The following MYOCD variants were observed in gnomAD, a reference collection of about 807,000 sequenced individuals.
MYOCD encodes myocardin.
A neutral mutation model predicts 96.1 loss-of-function variants in MYOCD; 32 were observed. The observed-to-expected ratio is 0.33, with a 90% CI of 0.25 to 0.45. MYOCD has a LOEUF of 0.45. Among genes scored for constraint, MYOCD ranks in the 20% least tolerant of loss-of-function variants. The pLI, the probability that MYOCD is intolerant of heterozygous loss-of-function variation, is 1.00. For synonymous variants in MYOCD, 469 were observed against 469.0 expected (o/e 1.00, Z 0.00); for missense variants, 1,133 against 1,200.6 (o/e 0.94, Z 0.83).
intron 10 of MYOCD, among the ~76,000 whole-genome samples, chr17:12,753,893 A>G (rs1597810499): frequency 6.6e-6 from 1 of 152,356 alleles, no homozygotes; most frequent in Non-Finnish European, 1.5e-5. Flanking sequence ...CTGAGCACCT[A>G]CTATGTGCCA....
At chr17:12,744,755 T>C (rs1345290035) in intron 8 of MYOCD, among the ~76,000 whole-genome samples, 1 of 152,226 alleles carries the variant, frequency 6.6e-6, no homozygotes, top group African/African-American at 2.4e-5. Context: ...AAGGTTTCAC[T>C]TATAAATTAG....
chr17:12,758,023 C>T lies in MYOCD; in HGVS notation c.2203-62C>T, dbSNP rs1003226921. ...AAAATTTAGCCTGTTGTTTCTAGAA[C>T]AGAAACAACATAATTTCAGATCCAT... On this transcript the variant is annotated intron_variant, in intron 11 of 13. Transcript: ENST00000425538. 9.1e-6 allele frequency: 12 copies of T among 1,317,792 alleles called. No individual in the cohort carries two copies. In the East Asian group the frequency reaches 2.8e-4, roughly 30 times the overall value. The allele number at this position is 1,317,792 out of a possible 1,614,324, so 81.6% of individuals were successfully genotyped here.
At chr17:12,750,612 C>G (rs2032823467) in intron 9 of MYOCD, among the ~76,000 whole-genome samples, 1 of 152,042 alleles carries the variant, frequency 6.6e-6, no homozygotes, top group Non-Finnish European at 1.5e-5. Flanking sequence ...TTGCTTGAAC[C>G]CGGGAGGTGG....
chr17:12,706,464 C>T (rs908052516), intron 2 of MYOCD, among the ~76,000 whole-genome samples: 1 of 152,180 alleles, frequency 6.6e-6, no homozygotes. Flanking sequence ...TATCCCTTCA[C>T]CGATGTTTCT....
At chr17:12,703,470 G>C (rs2031165504) in intron 1 of MYOCD, among the ~76,000 whole-genome samples, 1 of 151,730 alleles carries the variant, frequency 6.6e-6, no homozygotes, top group South Asian at 2.1e-4. Flanking sequence ...CATGTATTTT[G>C]AGGTTCTGTT....
chr17:12,720,646 T>C (rs942251355), intron 4 of MYOCD, among the ~76,000 whole-genome samples: 7 of 152,156 alleles, frequency 4.6e-5, no homozygotes, highest in Non-Finnish European at 7.3e-5. Flanking sequence ...ACTTAAACTA[T>C]ATTCATAGTC....
At chr17:12,758,274 G>A in intron 12 of MYOCD, 61 bp downstream of exon 12, 1 of 1,608,322 alleles carries the variant, frequency 6.2e-7, no homozygotes, top group Non-Finnish European at 8.5e-7. Flanking sequence ...GACATTGTTT[G>A]ATATGATTAA....
At chr17:12,748,217 A>G (rs1199981374) in intron 9 of MYOCD, among the ~76,000 whole-genome samples, 1 of 151,524 alleles carries the variant, frequency 6.6e-6, no homozygotes. Context: ...AGAAAGAGAG[A>G]GACTGAAAGT....
rs142550870 is a variant in MYOCD, at chr17:12,743,693, G to A, written c.718-490G>A. On this transcript the variant is annotated intron_variant, in intron 7 of 13. Coordinates refer to ENST00000425538, the MANE Select transcript of MYOCD (RefSeq NM_001146312.3). ...TTTTTTGTAGAGAAGGGGTTTCACC[G>A]TGTTGGTCAGGCTAGTCTCGAACTC... is the stretch of plus-strand genomic sequence containing the variant. Among the ~76,000 whole-genome samples, 979 of 151,906 alleles carry A rather than the reference G, an allele frequency of 6.4e-3. 18 individuals carry two copies. The highest frequency in any genetic ancestry group is 0.038 in the East Asian group (197 of 5,154).
intron 1 of MYOCD, among the ~76,000 whole-genome samples, chr17:12,678,204 T>C (rs1216763174): frequency 1.3e-5 from 2 of 152,116 alleles, no homozygotes; most frequent in African/African-American, 4.8e-5. Flanking sequence ...CATTTCTTTT[T>C]ACCCCAGATT....
intron 1 of MYOCD, among the ~76,000 whole-genome samples, chr17:12,693,022 G>A (rs2030536802): frequency 6.6e-6 from 1 of 152,144 alleles, no homozygotes; most frequent in South Asian, 2.1e-4. Context: ...CCTAGTTCCA[G>A]CCCCGAGCTA....
intron 5 of MYOCD, among the ~76,000 whole-genome samples, chr17:12,734,852 G>A (rs1475761192): frequency 6.6e-6 from 1 of 152,070 alleles, no homozygotes; most frequent in African/African-American, 2.4e-5. Flanking sequence ...TGATGAACAT[G>A]TATTACTTTT....
At chr17:12,744,083 G>A (rs749295650) in intron 7 of MYOCD, 100 bp from the exon 8 acceptor site, 6 of 1,380,694 alleles carry the variant, frequency 4.3e-6, no homozygotes, top group Non-Finnish European at 6.0e-6. Context: ...TGAGATCCAA[G>A]AATGGCCATC....
chr17:12,694,314 G>T (rs944222548), intron 1 of MYOCD, among the ~76,000 whole-genome samples: 3 of 152,140 alleles, frequency 2.0e-5, no homozygotes, highest in African/African-American at 7.2e-5. Context: ...AGAGAGCAAG[G>T]TAGCTTCACC....
intron 9 of MYOCD, among the ~76,000 whole-genome samples, chr17:12,750,066 T>C (rs2032801231): frequency 6.6e-6 from 1 of 151,948 alleles, no homozygotes; most frequent in Non-Finnish European, 1.5e-5. Flanking sequence ...CTCGATCTCC[T>C]GACCTCGTGA....
At chr17:12,735,990 G>A (rs1294485483) in intron 5 of MYOCD, among the ~76,000 whole-genome samples, 171 bp from the exon 6 acceptor site, 2 of 152,144 alleles carry the variant, frequency 1.3e-5, no homozygotes, top group Non-Finnish European at 2.9e-5. Flanking sequence ...CAAACAAACC[G>A]CTTTTTATAA....
intron 1 of MYOCD, among the ~76,000 whole-genome samples, chr17:12,684,287 AG>A (rs1239761268): frequency 1.3e-5 from 2 of 152,144 alleles, no homozygotes; most frequent in African/African-American, 4.8e-5. Flanking sequence ...GCATCAGATG[AG>A]TCCTCCTAAA....
At chr17:12,736,744 C>T (rs772475830) in intron 6 of MYOCD, among the ~76,000 whole-genome samples, 2 of 152,166 alleles carry the variant, frequency 1.3e-5, no homozygotes, top group East Asian at 3.9e-4. Context: ...GGACTCACTA[C>T]GGGGCTCCAG....
chr17:12,756,058 G>A (rs1309247798), intron 10 of MYOCD, among the ~76,000 whole-genome samples: 1 of 152,118 alleles, frequency 6.6e-6, no homozygotes, highest in African/African-American at 2.4e-5. Flanking sequence ...TAGAGGGCCA[G>A]GAAAGGGACA....
Sources: gnomAD v4.1 joint callset for allele counts (sites outside exome capture counted in the v4.1 genomes callset) on GRCh38, gnomAD v4.1.1 for gene constraint, MANE v1.5 for transcripts, NCBI Gene and HGNC (gene_info 2026-07-23, HGNC 2026-07-21) for gene names.